Variants in MFAP3L observed in about 807,000 individuals in gnomAD.
The protein encoded by MFAP3L is microfibrillar-associated protein 3-like.
In MFAP3L, 5 loss-of-function variants were observed where a neutral mutation model predicts 20.0. The ratio of observed to expected loss-of-function variants is 0.25; its 90% CI spans 0.13 to 0.53. The LOEUF (loss-of-function observed/expected upper bound fraction) is 0.53, where lower values mean the gene tolerates loss of function less well. Ranked by LOEUF, MFAP3L falls within the 20% of genes least tolerant of loss-of-function variation. The pLI is 0.96. For missense variants in MFAP3L, 409 were observed against 527.5 expected, an observed-to-expected ratio of 0.78 and a Z score of 2.20; for synonymous variants, 219 against 213.0, an observed-to-expected ratio of 1.03 and a Z score of -0.25.
intron 2 of MFAP3L, chr4:169,994,384 A>G (rs1737977680): frequency 2.0e-6 from 2 of 984,960 alleles, no homozygotes; most frequent in South Asian, 9.4e-5. Flanking sequence ...GAGAACACTA[A>G]CAAGACAGGC....
In MFAP3L at chr4:169,991,257, A is replaced by G; in HGVS notation, c.*121T>C. 9.5e-7 allele frequency: 1 copy of G among 1,052,172 alleles called. No individual in the cohort carries two copies. Among genetic ancestry groups the G allele is most frequent in the East Asian group, 2.4e-5 (1 of 41,524 alleles). 65.2% of individuals were successfully genotyped at this position (1,052,172 alleles called of 1,614,324 possible). A position where few individuals can be genotyped will look rare whatever the true frequency, so the allele number is the denominator to read the frequency against. ...CAGGTGTTTCTCCTTTTAAAGTGGC[A>G]TCACTCCTACCTAAGGGATGAGAGT... On this transcript the variant is annotated 3_prime_UTR_variant, in exon 3 of 3. Coordinates refer to ENST00000361618, the MANE Select transcript of MFAP3L (RefSeq NM_021647.8). This position sits in a 1 kb window ranked among gnomAD's most constrained non-coding sequence, Gnocchi z 4.9.
chr4:170,019,886 T>C lies in MFAP3L; in HGVS notation c.-134+6348A>G, dbSNP rs572756092. Among the ~76,000 whole-genome samples, 9 of 152,322 alleles carry C rather than the reference T, an allele frequency of 5.9e-5. No homozygotes were observed. In the East Asian group the frequency reaches 1.7e-3, roughly 29 times the overall value. On this transcript the variant is annotated intron_variant, in intron 1 of 2. Transcript: ENST00000361618. ...CACAGCCTCTAAGTAAGTTACAGTCTCAATCCAGAATTAGGAAAGCCCAAC... is the reference window on the plus strand; with the variant it reads ...CACAGCCTCTAAGTAAGTTACAGTCCCAATCCAGAATTAGGAAAGCCCAAC...
chr4:170,018,251 A>C (rs1324935559), intron 1 of MFAP3L, among the ~76,000 whole-genome samples: 5 of 152,208 alleles, frequency 3.3e-5, no homozygotes, highest in African/African-American at 7.2e-5. Flanking sequence ...GGTTTAGTCT[A>C]GACAAATAAG....
At chr4:170,025,924 A>G (rs1436617355) in intron 1 of MFAP3L, among the ~76,000 whole-genome samples, 1 of 152,118 alleles carries the variant, frequency 6.6e-6, no homozygotes, top group Non-Finnish European at 1.5e-5. Flanking sequence ...CACGACACCT[A>G]GGAGGCTCGC....
intron 2 of MFAP3L, among the ~76,000 whole-genome samples, chr4:169,997,595 C>G (rs1560971361): frequency 6.6e-6 from 1 of 152,138 alleles, no homozygotes; most frequent in Non-Finnish European, 1.5e-5. Flanking sequence ...ATAGAGATCA[C>G]AGTCATTTTT....
chr4:170,003,676 C>T (rs1738841633), intron 2 of MFAP3L: 5 of 985,396 alleles, frequency 5.1e-6, no homozygotes, highest in Non-Finnish European at 6.0e-6. Flanking sequence ...ATAACCTTTG[C>T]TTTAGGGTCC....
At chr4:170,002,102 T>C in intron 2 of MFAP3L, 1 of 985,366 alleles carries the variant, frequency 1.0e-6, no homozygotes, top group Non-Finnish European at 1.2e-6. Context: ...CACACACATG[T>C]TCCGGCACAA....
At chr4:170,012,467 A>C (rs546129670) in intron 1 of MFAP3L, among the ~76,000 whole-genome samples, 1 of 152,088 alleles carries the variant, frequency 6.6e-6, no homozygotes, top group South Asian at 2.1e-4. Flanking sequence ...CTCTGCTGCC[A>C]CTCTTGGATG....
chr4:170,019,155 C>T (rs545793661), intron 1 of MFAP3L, among the ~76,000 whole-genome samples: 3 of 152,294 alleles, frequency 2.0e-5, no homozygotes, highest in South Asian at 4.1e-4. Flanking sequence ...CTTGCAGGGG[C>T]GTCTGGCCTT....
intron 1 of MFAP3L, among the ~76,000 whole-genome samples, chr4:170,024,930 T>C (rs1163756247): frequency 1.3e-5 from 2 of 152,224 alleles, no homozygotes; most frequent in Admixed American, 6.5e-5. Flanking sequence ...ATGTAAACAA[T>C]TGTTTTGTAA....
At chr4:170,008,039 C>T (rs1419413230) in intron 1 of MFAP3L, among the ~76,000 whole-genome samples, 2 of 152,158 alleles carry the variant, frequency 1.3e-5, no homozygotes, top group Non-Finnish European at 2.9e-5. Context: ...ACACATTGTG[C>T]TAGCAGAGTA....
At chr4:170,008,013 G>C (rs886372877) in intron 1 of MFAP3L, among the ~76,000 whole-genome samples, 4 of 152,110 alleles carry the variant, frequency 2.6e-5, no homozygotes, top group South Asian at 2.1e-4. Flanking sequence ...CTCCACATTT[G>C]GCTTTCTACG....
chr4:169,989,183 T>C lies in MFAP3L; in HGVS notation c.*2195A>G, dbSNP rs1737484847. 2 of 152,208 alleles carry C rather than the reference T, an allele frequency of 1.3e-5. No individual in the cohort carries two copies. The highest frequency in any genetic ancestry group is 1.5e-5 in the Non-Finnish European group (1 of 68,028). The allele number at this position is 152,208 out of a possible 1,614,324, so 9.4% of individuals were successfully genotyped here. A position where few individuals can be genotyped will look rare whatever the true frequency, so the allele number is the denominator to read the frequency against. On this transcript the variant is annotated 3_prime_UTR_variant, in exon 3 of 3. Transcript: ENST00000361618. ...TTTTCTGCAACCCAAAAACATACAA[T>C]GCTAGTCCAGAAAGCCCAACAGGAG...
At chr4:170,015,923 T>C (rs1316487135) in intron 1 of MFAP3L, among the ~76,000 whole-genome samples, 1 of 152,098 alleles carries the variant, frequency 6.6e-6, no homozygotes, top group Non-Finnish European at 1.5e-5. Context: ...CCACAGGGGG[T>C]CTGACCAAGG....
chr4:170,006,112 A>T, intron 1 of MFAP3L, 102 bp from the exon 2 acceptor site: 1 of 878,056 alleles, frequency 1.1e-6, no homozygotes, highest in Non-Finnish European at 1.5e-6. Flanking sequence ...AAACATCAAC[A>T]TACTTTTTTT....
intron 1 of MFAP3L, among the ~76,000 whole-genome samples, chr4:170,021,886 C>T (rs562946957): frequency 6.6e-6 from 1 of 152,296 alleles, no homozygotes; most frequent in South Asian, 2.1e-4. Flanking sequence ...GAGCCCATCG[C>T]AAACATTGGT....
chr4:170,025,575 C>T (rs1299864345), intron 1 of MFAP3L, among the ~76,000 whole-genome samples: 1 of 152,130 alleles, frequency 6.6e-6, no homozygotes, highest in Non-Finnish European at 1.5e-5. Context: ...AATGATCAAG[C>T]TTAAAATAAA....
chr4:170,010,654 T>C (rs1739317894), intron 1 of MFAP3L, among the ~76,000 whole-genome samples: 1 of 152,242 alleles, frequency 6.6e-6, no homozygotes, highest in Non-Finnish European at 1.5e-5. Context: ...TCTAGCTTAC[T>C]TTATTGTAGG....
intron 1 of MFAP3L, among the ~76,000 whole-genome samples, chr4:170,015,749 C>T (rs985823786): frequency 6.6e-6 from 1 of 152,210 alleles, no homozygotes; most frequent in Non-Finnish European, 1.5e-5. Flanking sequence ...TTTCTCCCTC[C>T]AACTTCACCA....
Sources: gnomAD v4.1 joint callset for allele counts (sites outside exome capture counted in the v4.1 genomes callset) on GRCh38, gnomAD v4.1.1 for gene constraint, Gnocchi (gnomAD v3.1) non-coding constraint, MANE v1.5 for transcripts, NCBI Gene and HGNC (gene_info 2026-07-23, HGNC 2026-07-21) for gene names.